GNB5: variants seen among roughly 807,000 people sequenced by gnomAD.
GNB5 encodes the protein G protein subunit beta 5.
Under a neutral mutation model 55.3 loss-of-function variants are expected in GNB5, and 37 were observed. The ratio of observed to expected loss-of-function variants is 0.67; its 90% CI spans 0.51 to 0.88. The LOEUF (loss-of-function observed/expected upper bound fraction) is 0.88. Ranked by LOEUF, GNB5 falls within the 40% of genes least tolerant of loss-of-function variation. GNB5 has a pLI of 0.00. For synonymous variants in GNB5, 219 were observed against 198.5 expected (o/e 1.10, Z -0.87); for missense variants, 476 against 515.3 (o/e 0.92, Z 0.74).
chr15:52,133,363 A>T lies in GNB5; in HGVS notation c.863+15T>A, dbSNP rs752270898. 1.3e-6 allele frequency: 2 copies of T among 1,536,664 alleles called. No individual in the cohort carries two copies. The highest frequency in any genetic ancestry group is 3.3e-5 in the Admixed American group (2 of 59,896). ...GGCAGAACAGAGAGGTGGCATGAAC[A>T]TTCTACTCACTGACCGGACACTGTT... On this transcript the variant is annotated intron_variant, in intron 9 of 12. Transcript: ENST00000261837.
intron 1 of GNB5, among the ~76,000 whole-genome samples, chr15:52,188,226 A>G (rs2034872876): frequency 6.6e-6 from 1 of 152,206 alleles, no homozygotes; most frequent in African/African-American, 2.4e-5. Flanking sequence ...TTTGAGTCCT[A>G]TGGGCCTTAA....
chr15:52,144,750 T>C (rs2141204819), intron 6 of GNB5, among the ~76,000 whole-genome samples: 1 of 152,252 alleles, frequency 6.6e-6, no homozygotes, highest in South Asian at 2.1e-4. Flanking sequence ...AGGCAGTGTG[T>C]GGTCAAGCCC....
chr15:52,163,115 G>A (rs936345923), intron 3 of GNB5, among the ~76,000 whole-genome samples: 9 of 152,136 alleles, frequency 5.9e-5, no homozygotes, highest in South Asian at 2.1e-4. Context: ...CAAGGGAGGC[G>A]GTGAGTGATT....
At position 52,187,720 on chromosome 15, in the gene GNB5, G is replaced by A. The variant is rs577380814; in HGVS notation, c.-18-3026C>T. On this transcript the variant is annotated intron_variant, in intron 1 of 12. Coordinates refer to ENST00000261837, the MANE Select transcript of GNB5 (RefSeq NM_016194.4). The stretch of plus-strand genomic sequence containing the variant: ...TCCCAGCACTTTGGGAGGCCAAGGC[G>A]GGTGGATCACTTGAGGCCAGGAATT... Among the ~76,000 whole-genome samples the A allele has an allele frequency of 1.2e-4, 19 of 152,234 alleles. No homozygotes were observed. The South Asian group carries it at 2.7e-3, about 22-fold the overall frequency.
rs2033850265 is a variant in GNB5 at position 52,141,375 on chromosome 15, A to G, written c.495-103T>C. On this transcript the variant is annotated intron_variant, in intron 6 of 12. Transcript: ENST00000261837. Reference sequence around the variant, plus strand: ...TTTTCAACATATTCTCTTTAGCAGTATCATATATTGTACCCTTTCCTCCAA... The same window carrying G: ...TTTTCAACATATTCTCTTTAGCAGTGTCATATATTGTACCCTTTCCTCCAA... 1.1e-5 allele frequency: 10 copies of G among 922,548 alleles called. No individual in the cohort carries two copies. The South Asian group carries it at 1.2e-4, about 11-fold the overall frequency. The allele number at this position is 922,548 out of a possible 1,614,324, so 57.1% of individuals were successfully genotyped here.
rs977430741 is a variant in GNB5, at chr15:52,179,883, C to T, written c.127-4G>A. 6 of 1,528,248 alleles carry T rather than the reference C, an allele frequency of 3.9e-6. No homozygotes were observed. In the African/African-American group the frequency reaches 8.6e-5, roughly 22 times the overall value. The allele number at this position is 1,528,248 out of a possible 1,614,324, so 94.7% of individuals were successfully genotyped here. Reference sequence around the variant, plus strand: ...CGTGCAGCCCCTCGGTTGCCATCTTCGCGCGGGGACGCAGCGGAGAGGGAA... The same window carrying T: ...CGTGCAGCCCCTCGGTTGCCATCTTTGCGCGGGGACGCAGCGGAGAGGGAA... On this transcript the variant is annotated splice_region_variant and splice_polypyrimidine_tract_variant and intron_variant, in intron 2 of 12. Transcript: ENST00000261837.
chr15:52,126,154 G>C (rs1231692259), intron 10 of GNB5, 110 bp from the exon 11 acceptor site: 11 of 613,326 alleles, frequency 1.8e-5, no homozygotes, highest in Non-Finnish European at 2.6e-5. Flanking sequence ...AAAAGATGAA[G>C]GAAAAACTTC....
At chr15:52,166,278 A>T (rs1490020819) in intron 3 of GNB5, among the ~76,000 whole-genome samples, 2 of 152,232 alleles carry the variant, frequency 1.3e-5, no homozygotes, top group Non-Finnish European at 2.9e-5. Context: ...CATTAGACAG[A>T]TCATTGAGAG....
At chr15:52,180,756 T>A (rs2034755558) in intron 2 of GNB5, 1 of 152,256 alleles carries the variant, frequency 6.6e-6, no homozygotes, top group Non-Finnish European at 1.5e-5. Context: ...AAGCATCCCC[T>A]CTCCGCAAGC....
At chr15:52,148,082 GT>G (rs2034015248) in intron 5 of GNB5, among the ~76,000 whole-genome samples, 1 of 150,572 alleles carries the variant, frequency 6.6e-6, no homozygotes, top group Non-Finnish European at 1.5e-5. Context: ...AACCTTTCAT[GT>G]TTTACTTCCT....
At chr15:52,168,942 T>C (rs778723178) in intron 3 of GNB5, among the ~76,000 whole-genome samples, 1 of 152,226 alleles carries the variant, frequency 6.6e-6, no homozygotes, top group Non-Finnish European at 1.5e-5. Context: ...ACTGGACCCC[T>C]TCCTTACACC....
chr15:52,147,110 T>C (rs763623441), intron 6 of GNB5: 3 of 222,460 alleles, frequency 1.3e-5, no homozygotes, highest in African/African-American at 2.4e-5. Flanking sequence ...AGGTTTGAAA[T>C]GTAACTACTG....
chr15:52,177,647 T>A, intron 3 of GNB5, among the ~76,000 whole-genome samples: 1 of 139,810 alleles, frequency 7.2e-6, no homozygotes. Flanking sequence ...GGAGACTCCG[T>A]GTCAAAAAAA....
chr15:52,143,897 G>A (rs1249510892), intron 6 of GNB5: 1 of 152,204 alleles, frequency 6.6e-6, no homozygotes, highest in Non-Finnish European at 1.5e-5. Context: ...TATTAGTTTC[G>A]TCTTTGACGC....
At chr15:52,169,117 A>C (rs2034505058) in intron 3 of GNB5, among the ~76,000 whole-genome samples, 1 of 152,238 alleles carries the variant, frequency 6.6e-6, no homozygotes, top group Non-Finnish European at 1.5e-5. Flanking sequence ...TGAGGTTAGG[A>C]GTTTGAGACC....
intron 3 of GNB5, chr15:52,162,700 G>T (rs2034360641): frequency 6.6e-6 from 1 of 152,208 alleles, no homozygotes; most frequent in African/African-American, 2.4e-5. Context: ...CATGTAGTCT[G>T]ATTCTGTGCC....
intron 9 of GNB5, among the ~76,000 whole-genome samples, chr15:52,130,324 G>T (rs116864514): frequency 6.6e-6 from 1 of 152,082 alleles, no homozygotes; most frequent in African/African-American, 2.4e-5. Context: ...GCCAGTGTTC[G>T]CCCTGGAAGA....
chr15:52,159,310 G>A (rs1038931249), intron 3 of GNB5, among the ~76,000 whole-genome samples: 2 of 152,066 alleles, frequency 1.3e-5, no homozygotes, highest in East Asian at 1.9e-4. Flanking sequence ...GGACAGCGTC[G>A]ATGGAGACAA....
chr15:52,156,937 CTT>C (rs996188157), intron 3 of GNB5, among the ~76,000 whole-genome samples: 17 of 137,952 alleles, frequency 1.2e-4, no homozygotes, highest in Admixed American at 3.7e-4. Context: ...TTTCCAAATT[CTT>C]TTTTTTTTTT....
Sources: gnomAD v4.1 joint callset for allele counts (sites outside exome capture counted in the v4.1 genomes callset) on GRCh38, gnomAD v4.1.1 for gene constraint, MANE v1.5 for transcripts, NCBI Gene and HGNC (gene_info 2026-07-23, HGNC 2026-07-21) for gene names.